OSBPL1A: variants seen among roughly 807,000 people sequenced by gnomAD.
The protein encoded by OSBPL1A is oxysterol-binding protein-related protein 1.
In OSBPL1A, 80 loss-of-function variants were observed where a neutral mutation model predicts 137.1. The ratio of observed to expected loss-of-function variants is 0.58; its 90% CI spans 0.49 to 0.70. The LOEUF (loss-of-function observed/expected upper bound fraction) is 0.70. Among genes scored for constraint, OSBPL1A ranks in the 30% least tolerant of loss-of-function variants. The pLI, the probability that OSBPL1A is intolerant of heterozygous loss-of-function variation, is 0.00. For missense variants in OSBPL1A, 970 were observed against 1,129.4 expected, an observed-to-expected ratio of 0.86 and a Z score of 2.02; for synonymous variants, 365 against 389.7, an observed-to-expected ratio of 0.94 and a Z score of 0.75.
chr18:24,382,012 T>TC (rs1366200664), intron 1 of OSBPL1A, among the ~76,000 whole-genome samples: 1 of 151,534 alleles, frequency 6.6e-6, no homozygotes, highest in Non-Finnish European at 1.5e-5. Context: ...CAATAAAGGT[T>TC]CATTCACCTA....
chr18:24,358,249 A>G (rs2091568450), intron 4 of OSBPL1A: 2 of 518,172 alleles, frequency 3.9e-6, no homozygotes, highest in African/African-American at 3.8e-5. Flanking sequence ...GGGTTTCCAG[A>G]GTATCCACGT....
chr18:24,181,089 G>A, intron 19 of OSBPL1A, 56 bp downstream of exon 19: 1 of 1,571,544 alleles, frequency 6.4e-7, no homozygotes, highest in Non-Finnish European at 8.6e-7. Context: ...TGTGTTCGGG[G>A]CTGGGTTGGT....
intron 17 of OSBPL1A, among the ~76,000 whole-genome samples, chr18:24,196,971 A>C (rs748639248): frequency 5.9e-5 from 9 of 152,232 alleles, no homozygotes; most frequent in Non-Finnish European, 1.0e-4. Flanking sequence ...CCATTTCCAC[A>C]GATCAGAATG....
At chr18:24,172,545 A>G (rs1394529951) in intron 21 of OSBPL1A, 62 bp from the exon 22 acceptor site, 5 of 1,191,528 alleles carry the variant, frequency 4.2e-6, no homozygotes, top group Non-Finnish European at 6.2e-6. Flanking sequence ...TAAAAAGTAC[A>G]CTTGTTCCAA....
At chr18:24,395,585 T>TC (rs750047642) in intron 1 of OSBPL1A, among the ~76,000 whole-genome samples, 7 of 150,602 alleles carry the variant, frequency 4.6e-5, no homozygotes, top group Middle Eastern at 3.4e-3. Context: ...CAGTATCATT[T>TC]CCCCTTGTTT....
intron 1 of OSBPL1A, among the ~76,000 whole-genome samples, chr18:24,381,307 C>T (rs1314431682): frequency 2.6e-5 from 4 of 152,104 alleles, no homozygotes; most frequent in Non-Finnish European, 5.9e-5. Context: ...GAAGACAGGC[C>T]AGGGTGGTCA....
At chr18:24,241,522 A>G (rs556080605) in intron 15 of OSBPL1A, among the ~76,000 whole-genome samples, 2 of 152,380 alleles carry the variant, frequency 1.3e-5, no homozygotes, top group Non-Finnish European at 2.9e-5. Context: ...CAAACATGAA[A>G]AAAAGCTCAT....
chr18:24,209,085 ACT>A (rs573315864), intron 17 of OSBPL1A, among the ~76,000 whole-genome samples: 123 of 152,228 alleles, frequency 8.1e-4, no homozygotes, highest in Non-Finnish European at 1.4e-3. Context: ...AAAATTAAAG[ACT>A]CTGTTCAAAC....
intron 16 of OSBPL1A, among the ~76,000 whole-genome samples, chr18:24,229,622 A>G (rs983050434): frequency 1.3e-5 from 2 of 152,224 alleles, no homozygotes; most frequent in African/African-American, 4.8e-5. Context: ...AATACCAAAG[A>G]GGGCATAGCC....
chr18:24,306,781 T>C (rs1481729598), intron 13 of OSBPL1A, among the ~76,000 whole-genome samples: 1 of 152,202 alleles, frequency 6.6e-6, no homozygotes. Context: ...ATTGAAGACA[T>C]AAAGTGAATT....
intron 1 of OSBPL1A, among the ~76,000 whole-genome samples, chr18:24,385,802 C>A (rs1049813419): frequency 6.6e-6 from 1 of 152,140 alleles, no homozygotes; most frequent in Non-Finnish European, 1.5e-5. Context: ...CACCAGACTC[C>A]TTTAAAGCAA....
intron 4 of OSBPL1A, among the ~76,000 whole-genome samples, chr18:24,356,053 G>A (rs1387645889): frequency 6.6e-6 from 1 of 151,804 alleles, no homozygotes; most frequent in African/African-American, 2.4e-5. Context: ...GCACACACCT[G>A]TAATCCCAGC....
intron 18 of OSBPL1A, among the ~76,000 whole-genome samples, chr18:24,188,417 C>T (rs572137541): frequency 6.5e-4 from 99 of 152,324 alleles, no homozygotes; most frequent in Non-Finnish European, 1.3e-3. Flanking sequence ...GAGACCAAGG[C>T]ACAAAGGATG....
rs71163675 is a variant in OSBPL1A at position 24,332,385 on chromosome 18, CAAAAAAAAAA to C, written c.625+547_625+556del. 2.0e-3 allele frequency among the ~76,000 whole-genome samples: 105 copies of C among 53,056 alleles called. 1 individual carries two copies. The East Asian group carries it at 0.074, about 37-fold the overall frequency. 34.8% of individuals were successfully genotyped at this position (53,056 alleles called of 152,430 possible). A position where few individuals can be genotyped will look rare whatever the true frequency, so the allele number is the denominator to read the frequency against. ...TGGGCAACAGAGAGAGACTCTGTCT[CAAAAAAAAAA>C]AAAAAAAAAAAAAAAAAAAAGGCCC... On this transcript the variant is annotated intron_variant, in intron 7 of 27. Transcript: ENST00000319481.
At chr18:24,272,211 C>T (rs2089740757) in intron 15 of OSBPL1A, 2 of 983,458 alleles carry the variant, frequency 2.0e-6, no homozygotes, top group African/African-American at 1.8e-5. Context: ...GCTCGGCCCT[C>T]TCCTGGAGAC....
intron 16 of OSBPL1A, among the ~76,000 whole-genome samples, chr18:24,236,045 C>G (rs1428492395): frequency 6.6e-6 from 1 of 152,114 alleles, no homozygotes; most frequent in Non-Finnish European, 1.5e-5. Context: ...AAAGGCAAGG[C>G]AACAGTCTCT....
At chr18:24,287,458 T>G (rs2090085554) in intron 14 of OSBPL1A, among the ~76,000 whole-genome samples, 1 of 152,154 alleles carries the variant, frequency 6.6e-6, no homozygotes, top group Admixed American at 6.5e-5. Context: ...CAGGGTATGA[T>G]GCTTGCCTGT....
chr18:24,293,104 CAAAAAAAA>C (rs1172730345), intron 14 of OSBPL1A, among the ~76,000 whole-genome samples: 5 of 66,386 alleles, frequency 7.5e-5, no homozygotes, highest in Non-Finnish European at 1.1e-4. Flanking sequence ...ACTCCCGTCT[CAAAAAAAA>C]AAAAAAAAAA....
chr18:24,299,277 T>G (rs2090353669), intron 14 of OSBPL1A, among the ~76,000 whole-genome samples: 1 of 152,212 alleles, frequency 6.6e-6, no homozygotes, highest in South Asian at 2.1e-4. Flanking sequence ...ATCATGTTAG[T>G]CGATACCTAG....
Sources: allele counts gnomAD v4.1 joint callset (sites outside exome capture counted in the v4.1 genomes callset), GRCh38; gene constraint gnomAD v4.1.1; transcripts MANE v1.5; gene names NCBI Gene and HGNC (gene_info 2026-07-23, HGNC 2026-07-21).